Variants in COL9A1 observed in about 807,000 individuals in gnomAD.
The protein encoded by COL9A1 is collagen type IX alpha 1 chain.
A neutral mutation model predicts 142.6 loss-of-function variants in COL9A1; 104 were observed. That is an observed-to-expected ratio of 0.73 (90% CI 0.62 to 0.86). COL9A1 has a LOEUF of 0.86. COL9A1 is among the 40% of genes least tolerant of loss of function. The probability of loss-of-function intolerance (pLI) is 0.00; values close to 1 mark genes in which losing one functional copy is unlikely to be tolerated. For synonymous variants in COL9A1, 466 were observed against 396.0 expected (o/e 1.18, Z -2.10); for missense variants, 1,210 against 1,176.6 (o/e 1.03, Z -0.42).
At chr6:70,220,735 A>C (rs1768831524) in intron 37 of COL9A1, among the ~76,000 whole-genome samples, 1 of 152,240 alleles carries the variant, frequency 6.6e-6, no homozygotes, top group Admixed American at 6.5e-5. Flanking sequence ...ACGGTTCACA[A>C]AATGGGCATA....
chr6:70,233,372 T>C (rs1234850746), intron 35 of COL9A1, among the ~76,000 whole-genome samples: 1 of 152,194 alleles, frequency 6.6e-6, no homozygotes, highest in Non-Finnish European at 1.5e-5. Context: ...AAAAATAACT[T>C]GTTTCTTGGG....
intron 30 of COL9A1, 41 bp from the exon 31 acceptor site, chr6:70,241,495 C>T (rs1296027967): frequency 1.3e-6 from 2 of 1,544,772 alleles, no homozygotes; most frequent in South Asian, 1.1e-5. Context: ...GTATTTTCAA[C>T]TGTTTATATA....
rs1044256378 is a variant in COL9A1, at chr6:70,271,708, C to T, written c.1090G>A (p.Gly364Ser). 1 of 1,613,332 alleles carries T rather than the reference C, an allele frequency of 6.2e-7. No homozygotes were observed. Among genetic ancestry groups the T allele is most frequent in the Non-Finnish European group, 8.5e-7 (1 of 1,179,626 alleles). ...GGGAGTCCTGCTGTCCCAGGAGGAC[C>T]CTGAAGTCAACAAATCAAAGCAAAT... The part of the protein sequence containing the change: ...FPGRGIPGPP[G>S]PPGTAGLPGE... Residue 364 changes from glycine to serine, a missense_variant and splice_region_variant, in exon 14 of 38, where the codon GGT (glycine) becomes AGT (serine). Gly to Ser is a moderately conservative substitution (Grantham distance 56). Transcript: ENST00000357250.
chr6:70,226,140 G>C, intron 36 of COL9A1, 131 bp from the exon 37 acceptor site: 1 of 762,856 alleles, frequency 1.3e-6, no homozygotes, highest in Non-Finnish European at 2.2e-6. Flanking sequence ...AGATTGTAGT[G>C]AGTATGTAGC....
Position 70,232,593 on chromosome 6 carries a change from C to A in COL9A1, c.2493G>T (p.Arg831Ser), listed in dbSNP as rs1562291080. 6.2e-7 allele frequency: 1 copy of A among 1,613,770 alleles called. No homozygotes were observed. Among genetic ancestry groups the A allele is most frequent in the Non-Finnish European group, 8.5e-7 (1 of 1,180,022 alleles). ...IKGPPGALGL[R>S]GPKGDLGEKG... Reference sequence around the variant, plus strand: ...GGCAAGATGACTTACCTTTAGGTCCCCTCAAACCAAGAGCACCAGGGGGCC... The same window carrying A: ...GGCAAGATGACTTACCTTTAGGTCCACTCAAACCAAGAGCACCAGGGGGCC... The change falls in exon 36 of 38, where the codon AGG (arginine) becomes AGT (serine). Residue 831 changes from arginine to serine, a missense_variant. Physicochemically the swap from Arg to Ser is moderately radical, Grantham distance 110. Transcript: ENST00000357250.
At chr6:70,296,489 G>T (rs924274810) in intron 4 of COL9A1, among the ~76,000 whole-genome samples, 1 of 151,966 alleles carries the variant, frequency 6.6e-6, no homozygotes, top group Admixed American at 6.6e-5. Context: ...TCTACTACAT[G>T]ACTCCAGATA....
chr6:70,279,984 A>G, intron 10 of COL9A1: 1 of 696,622 alleles, frequency 1.4e-6, no homozygotes, highest in Non-Finnish European at 2.7e-6. Context: ...ACTTCACTTC[A>G]TATTCCAGGG....
At chr6:70,291,887 T>A (rs933101900) in intron 5 of COL9A1, among the ~76,000 whole-genome samples, 7 of 152,194 alleles carry the variant, frequency 4.6e-5, no homozygotes, top group Admixed American at 2.6e-4. Context: ...TTAATAGATC[T>A]GTATGAGTTC....
At chr6:70,216,046 A>G (rs950507682), downstream of COL9A1, 4 of 152,570 alleles carry the variant, frequency 2.6e-5, no homozygotes, top group African/African-American at 7.2e-5. Flanking sequence ...CCAGTAGTTA[A>G]GTAATGTTTA....
chr6:70,286,795 T>G (rs539423776), intron 5 of COL9A1, among the ~76,000 whole-genome samples: 2 of 152,178 alleles, frequency 1.3e-5, no homozygotes, highest in African/African-American at 2.4e-5. Context: ...GTGCTAGGGA[T>G]GTAGGCAGCA....
At chr6:70,220,198 C>G (rs1768780276) in intron 37 of COL9A1, among the ~76,000 whole-genome samples, 1 of 132,194 alleles carries the variant, frequency 7.6e-6, no homozygotes, top group African/African-American at 2.8e-5. Context: ...AATGCTTTCT[C>G]TTTTCCATGG....
At chr6:70,241,872 T>A in intron 30 of COL9A1, 92 bp downstream of exon 30, 1 of 1,141,392 alleles carries the variant, frequency 8.8e-7, no homozygotes, top group Non-Finnish European at 1.3e-6. Context: ...TTCTAGAAAA[T>A]TCTCCACAGG....
chr6:70,256,216 G>A (rs3806084), intron 21 of COL9A1, among the ~76,000 whole-genome samples: 5,694 of 152,220 alleles, frequency 0.037, 181 homozygotes, highest in East Asian at 0.11. Context: ...GTTTATCATT[G>A]AGTTACTTTC....
chr6:70,295,053 G>C (rs1256954704), intron 4 of COL9A1, among the ~76,000 whole-genome samples: 1 of 152,088 alleles, frequency 6.6e-6, no homozygotes, highest in Non-Finnish European at 1.5e-5. Flanking sequence ...AAGATTATTT[G>C]TTATTTCCAT....
chr6:70,220,897 T>G (rs540654), intron 37 of COL9A1, among the ~76,000 whole-genome samples: 1 of 152,120 alleles, frequency 6.6e-6, no homozygotes, highest in Non-Finnish European at 1.5e-5. Flanking sequence ...CATGGTTTTC[T>G]GAAATGTCAA....
chr6:70,299,578 T>G (rs979250617), intron 4 of COL9A1, among the ~76,000 whole-genome samples: 13 of 152,188 alleles, frequency 8.5e-5, no homozygotes, highest in African/African-American at 2.7e-4. Context: ...ATTATAATTA[T>G]TTTAGTTTTG....
intron 35 of COL9A1, 150 bp from the exon 36 acceptor site, chr6:70,232,921 C>T (rs775826648): frequency 1.2e-6 from 1 of 840,360 alleles, no homozygotes; most frequent in Non-Finnish European, 2.0e-6. Context: ...TGGATAATTT[C>T]TCTGTGGGCT....
At position 70,234,554 on chromosome 6, in the gene COL9A1, T is replaced by G. The variant is rs6910140; in HGVS notation, c.2299A>C (p.Met767Leu). The G allele has an allele frequency of 1.2e-6, 2 of 1,614,042 alleles. No individual in the cohort carries two copies. The highest frequency in any genetic ancestry group is 1.3e-5 in the African/African-American group (1 of 74,912). The part of the protein sequence containing the change: ...PTDQHIKQVC[M>L]RVIQEHFAEM... ...ATTTATTTACCTTGTATGACTCTCA[T>G]GCAAACCTGCTTAATGTGCTGATCT... is the stretch of plus-strand genomic sequence containing the variant. The change falls in exon 35 of 38, where the codon ATG becomes CTG. Residue 767 changes from methionine (M) to leucine (L), a missense_variant. By Grantham distance (15) the Met-to-Leu change is conservative (BLOSUM62 2). Transcript: ENST00000357250.
chr6:70,233,513 T>C (rs917004622), intron 35 of COL9A1, among the ~76,000 whole-genome samples: 6 of 152,172 alleles, frequency 3.9e-5, no homozygotes, highest in East Asian at 1.9e-4. Flanking sequence ...CTAAGGGAAA[T>C]ATTCTCATGT....
Sources: allele counts gnomAD v4.1 joint callset (sites outside exome capture counted in the v4.1 genomes callset), GRCh38; gene constraint gnomAD v4.1.1; transcripts MANE v1.5; gene names NCBI Gene and HGNC (gene_info 2026-07-23, HGNC 2026-07-21).